PRKD2: variants seen among roughly 807,000 people sequenced by gnomAD.
PRKD2 encodes serine/threonine-protein kinase D2.
In PRKD2, 22 loss-of-function variants were observed where a neutral mutation model predicts 86.0. That is an observed-to-expected ratio of 0.26 (90% CI 0.18 to 0.37). PRKD2 has a LOEUF of 0.37. Among genes scored for constraint, PRKD2 ranks in the 10% least tolerant of loss-of-function variants. The pLI is 1.00. For missense variants in PRKD2, 818 were observed against 1,199.2 expected, an observed-to-expected ratio of 0.68 and a Z score of 4.70; for synonymous variants, 509 against 510.9, an observed-to-expected ratio of 1.00 and a Z score of 0.05.
chr19:46,685,467 AG>A (rs2053383147), intron 14 of PRKD2: 1 of 152,222 alleles, frequency 6.6e-6, no homozygotes, highest in South Asian at 2.1e-4. Flanking sequence ...CAGGAGGTAA[AG>A]GGCTTAGCAC....
chr19:46,700,770 C>G (rs764926001), intron 7 of PRKD2, 29 bp downstream of exon 7: 2 of 1,595,706 alleles, frequency 1.3e-6, no homozygotes, highest in Non-Finnish European at 1.7e-6. Flanking sequence ...GGTCTTCCCC[C>G]AGGGTCTCTT....
chr19:46,698,994 T>C (rs1334076538), intron 7 of PRKD2, among the ~76,000 whole-genome samples: 2 of 152,244 alleles, frequency 1.3e-5, no homozygotes, highest in East Asian at 3.9e-4. Context: ...AAAGGGAACC[T>C]GCGGCTTCAG....
intron 8 of PRKD2, 79 bp downstream of exon 8, chr19:46,697,654 C>G: frequency 7.3e-7 from 1 of 1,370,768 alleles, no homozygotes; most frequent in South Asian, 1.2e-5. Context: ...CCCCACCCAC[C>G]TAGCCCCGCC....
rs1288611688 is a variant in PRKD2, at chr19:46,678,016, C to T, written c.2338+380G>A. On this transcript the variant is annotated intron_variant, in intron 16 of 17. Coordinates refer to ENST00000291281, the MANE Select transcript of PRKD2 (RefSeq NM_016457.5). The surrounding 1 kb of genome is among the most constrained non-coding windows in gnomAD (Gnocchi z 5.7). ...GGTCGTAAACCCAAAGGCTCCAGGT[C>T]CCAGCCAATGCCTTGGGAGGCTCAG... 6.6e-6 allele frequency among the ~76,000 whole-genome samples: 1 copy of T among 152,208 alleles called. No homozygotes were observed. The highest frequency in any genetic ancestry group is 2.4e-5 in the African/African-American group (1 of 41,442).
intron 10 of PRKD2, among the ~76,000 whole-genome samples, chr19:46,692,388 C>G (rs1009899206): frequency 1.3e-5 from 2 of 152,000 alleles, no homozygotes; most frequent in Admixed American, 1.3e-4. Flanking sequence ...TTTCCCCCTA[C>G]AAACCCAACC....
At chr19:46,706,315 A>G (rs1228371226) in intron 3 of PRKD2, among the ~76,000 whole-genome samples, 3 of 152,310 alleles carry the variant, frequency 2.0e-5, no homozygotes, top group Admixed American at 2.0e-4. Flanking sequence ...ATGTTCCTCC[A>G]GCCTTTGGGA....
intron 16 of PRKD2, among the ~76,000 whole-genome samples, chr19:46,676,009 T>C (rs2053196157): frequency 6.6e-6 from 1 of 152,154 alleles, no homozygotes; most frequent in Non-Finnish European, 1.5e-5. Flanking sequence ...TCTGCCTACC[T>C]TGGCCTCCCA....
Position 46,716,068 on chromosome 19 carries a change from C to G in PRKD2, c.240+63G>C. 6.3e-7 allele frequency: 1 copy of G among 1,587,412 alleles called. No individual in the cohort carries two copies. The highest frequency in any genetic ancestry group is 8.6e-7 in the Non-Finnish European group (1 of 1,167,730). On this transcript the variant is annotated intron_variant, in intron 1 of 17. Transcript: ENST00000291281. This position sits in a 1 kb window ranked among gnomAD's most constrained non-coding sequence, Gnocchi z 7.9. ...CTTCCGCACACCAGGCCCCAGACCC[C>G]TCTGCCAGCGCCCCCTCCTTCAACC...
Position 46,678,535 on chromosome 19 carries a change from G to A in PRKD2, c.2199C>T (p.Asp733=), listed in dbSNP as rs1293200409. 4 of 1,614,144 alleles carry A rather than the reference G, an allele frequency of 2.5e-6. No individual in the cohort carries two copies. Among genetic ancestry groups the A allele is most frequent in the East Asian group, 2.2e-5 (1 of 44,902 alleles). ...ACATGATCACGCCCACTGACCACAT[G>A]TCCAGCGAGCGGTTGTAGCCCTGGT... ...LLNQGYNRSL[D]MWSVGVIMYV... is the part of the protein sequence containing the mutation. The change falls in exon 16 of 18, where the codon GAC becomes GAT. Residue 733 remains aspartate, a synonymous_variant. Transcript: ENST00000291281. The surrounding 1 kb of genome is among the most constrained non-coding windows in gnomAD (Gnocchi z 5.7).
At chr19:46,696,824 A>T (rs2053565659) in intron 9 of PRKD2, among the ~76,000 whole-genome samples, 1 of 152,172 alleles carries the variant, frequency 6.6e-6, no homozygotes, top group African/African-American at 2.4e-5. Flanking sequence ...AGCTTAATAT[A>T]TACCACGCCT....
At chr19:46,684,686 C>T (rs184236428) in intron 14 of PRKD2, among the ~76,000 whole-genome samples, 99 of 152,210 alleles carry the variant, frequency 6.5e-4, no homozygotes, top group Non-Finnish European at 9.7e-4. Context: ...CAGGTTAGGC[C>T]GGGCACGGTG....
intron 13 of PRKD2, 21 bp downstream of exon 13, chr19:46,690,579 G>C (rs1331839785): frequency 1.1e-5 from 17 of 1,611,468 alleles, no homozygotes; most frequent in Non-Finnish European, 1.4e-5. Context: ...AAGCAGAAAG[G>C]GAAGGCGGCC....
chr19:46,677,953 C>A (rs2053235336), intron 16 of PRKD2, among the ~76,000 whole-genome samples: 1 of 152,208 alleles, frequency 6.6e-6, no homozygotes. Flanking sequence ...TCAACCCTAC[C>A]CACCGGTGCC....
chr19:46,680,509 C>CA (rs2053282068), intron 15 of PRKD2, among the ~76,000 whole-genome samples: 1 of 151,708 alleles, frequency 6.6e-6, no homozygotes, highest in Non-Finnish European at 1.5e-5. Flanking sequence ...GACTGGTATC[C>CA]AACTCCAGAC....
chr19:46,706,407 T>TCAC (rs1222122639), intron 3 of PRKD2, among the ~76,000 whole-genome samples: 1 of 152,176 alleles, frequency 6.6e-6, no homozygotes. Context: ...CATGCTGTAA[T>TCAC]CACGGAGGCA....
rs1446075654 is a variant in PRKD2, at chr19:46,700,852, C to G, written c.1068G>C (p.Glu356Asp). 2 of 1,614,262 alleles carry G rather than the reference C, an allele frequency of 1.2e-6. No homozygotes were observed. The highest frequency in any genetic ancestry group is 1.7e-5 in the Admixed American group (1 of 60,034). Residue 356 changes from glutamate to aspartate, a missense_variant, in exon 7 of 18, where the codon GAG becomes GAC. Transcript: ENST00000291281. ...CCTCCTCACTGGCGTGGAGCGCATTCTCTGAGTGGGAGCCAGGGATGACAC... is the reference window on the plus strand; with the variant it reads ...CCTCCTCACTGGCGTGGAGCGCATTGTCTGAGTGGGAGCCAGGGATGACAC... ...DSGVIPGSHS[E>D]NALHASEEEE...
chr19:46,684,735 C>T (rs970266262), intron 14 of PRKD2, among the ~76,000 whole-genome samples: 7 of 152,068 alleles, frequency 4.6e-5, no homozygotes, highest in Admixed American at 2.0e-4. Context: ...GAGGCTGAGG[C>T]GGGCAGATCA....
intron 2 of PRKD2, among the ~76,000 whole-genome samples, chr19:46,713,491 A>T (rs1032219988): frequency 1.3e-5 from 2 of 152,058 alleles, no homozygotes; most frequent in Admixed American, 6.6e-5. Flanking sequence ...AGCTCAATGA[A>T]TTTTCAAACT....
chr19:46,697,096 G>T, intron 9 of PRKD2, 61 bp downstream of exon 9: 1 of 1,299,494 alleles, frequency 7.7e-7, no homozygotes, highest in Non-Finnish European at 1.1e-6. Flanking sequence ...GTAGGAGGAG[G>T]TGTGGGAAAG....
Sources: gnomAD v4.1 joint callset for allele counts (sites outside exome capture counted in the v4.1 genomes callset) on GRCh38, gnomAD v4.1.1 for gene constraint, Gnocchi (gnomAD v3.1) non-coding constraint, MANE v1.5 for transcripts, NCBI Gene and HGNC (gene_info 2026-07-23, HGNC 2026-07-21) for gene names.